L3MBTL4: variants seen among roughly 807,000 people sequenced by gnomAD.
L3MBTL4 encodes the protein lethal(3)malignant brain tumor-like protein 4.
In L3MBTL4, 70 loss-of-function variants were observed where a neutral mutation model predicts 84.5. The observed-to-expected ratio is 0.83, with a 90% CI of 0.68 to 1.01. The LOEUF (loss-of-function observed/expected upper bound fraction) is 1.01. Among genes scored for constraint, L3MBTL4 ranks in the 50% least tolerant of loss-of-function variants. The probability of loss-of-function intolerance (pLI) is 0.00; values close to 1 mark genes in which losing one functional copy is unlikely to be tolerated. For missense variants in L3MBTL4, 715 were observed against 754.8 expected (o/e 0.95, Z 0.62); for synonymous variants, 274 against 259.8 (o/e 1.05, Z -0.52).
At chr18:6,136,825 G>A (rs191196715) in intron 14 of L3MBTL4, among the ~76,000 whole-genome samples, 3 of 152,028 alleles carry the variant, frequency 2.0e-5, no homozygotes, top group African/African-American at 7.2e-5. Context: ...TGTGTGTTTT[G>A]TCCATTTCTT....
chr18:6,109,260 T>G (rs781311245), intron 14 of L3MBTL4, among the ~76,000 whole-genome samples: 1 of 152,216 alleles, frequency 6.6e-6, no homozygotes, highest in African/African-American at 2.4e-5. Context: ...AGATCAAGAC[T>G]GGACCACTTT....
chr18:6,236,242 G>T (rs1027141265), intron 10 of L3MBTL4, among the ~76,000 whole-genome samples: 7 of 152,128 alleles, frequency 4.6e-5, no homozygotes, highest in Non-Finnish European at 8.8e-5. Flanking sequence ...TTGGACATAC[G>T]AACCAATGAA....
chr18:6,138,196 G>T lies in L3MBTL4; in HGVS notation c.1197C>A (p.His399Gln). ...HIRGPRYSGHHSAFGCPYSDM... is the reference protein window; with the variant it reads ...HIRGPRYSGHQSAFGCPYSDM... ...AACTTAAATAAGAAAAATGTTACCT[G>T]TGATGTCCCGAATAACGTGGACCAC... Residue 399 changes from histidine to glutamine, a missense_variant and splice_region_variant, in exon 14 of 19, where the codon CAC (histidine) becomes CAA (glutamine). Transcript: ENST00000317931. 1.9e-6 allele frequency: 3 copies of T among 1,603,320 alleles called. No individual in the cohort carries two copies. Among genetic ancestry groups the T allele is most frequent in the Non-Finnish European group, 1.7e-6 (2 of 1,171,454 alleles).
chr18:6,178,028 GTCTT>G (rs1307352944), intron 12 of L3MBTL4, among the ~76,000 whole-genome samples: 2 of 152,016 alleles, frequency 1.3e-5, no homozygotes, highest in Non-Finnish European at 2.9e-5. Context: ...GAGGAGTTAG[GTCTT>G]TCTATTTTAA....
chr18:6,140,035 G>T (rs2060148264), intron 13 of L3MBTL4, among the ~76,000 whole-genome samples: 1 of 152,098 alleles, frequency 6.6e-6, no homozygotes, highest in African/African-American at 2.4e-5. Flanking sequence ...CGAGCTAGTG[G>T]CCCCCAACCC....
At chr18:5,999,437 T>C (rs534057008) in intron 16 of L3MBTL4, among the ~76,000 whole-genome samples, 3 of 152,336 alleles carry the variant, frequency 2.0e-5, no homozygotes, top group South Asian at 2.1e-4. Context: ...AAGGGCTCAC[T>C]CTTTCTTCTG....
chr18:6,327,121 A>G (rs1260990928), intron 1 of L3MBTL4, among the ~76,000 whole-genome samples: 1 of 152,220 alleles, frequency 6.6e-6, no homozygotes, highest in Non-Finnish European at 1.5e-5. Flanking sequence ...AAGGCTCACC[A>G]AGTGTTGAAG....
intron 16 of L3MBTL4, among the ~76,000 whole-genome samples, chr18:6,033,552 A>G (rs1568010101): frequency 6.6e-6 from 1 of 152,214 alleles, no homozygotes; most frequent in Non-Finnish European, 1.5e-5. Flanking sequence ...ATTATATTAC[A>G]TGTAATTACG....
In L3MBTL4 at chr18:6,362,282, A is replaced by G. The variant is rs187859436; in HGVS notation, c.-90-50226T>C. 3.9e-3 allele frequency among the ~76,000 whole-genome samples: 589 copies of G among 151,644 alleles called. 2 individuals carry two copies. Among genetic ancestry groups the G allele is most frequent in the Non-Finnish European group, 6.7e-3 (453 of 67,686 alleles). The stretch of plus-strand genomic sequence containing the variant: ...GAAAGGAAAGGAAAAGAAGAAAAAG[A>G]AAGAAGAGAAAGAAAGAGGAAGAGG... On this transcript the variant is annotated intron_variant, in intron 1 of 18. Coordinates refer to ENST00000317931, the MANE Select transcript of L3MBTL4 (RefSeq NM_001330559.2).
intron 14 of L3MBTL4, among the ~76,000 whole-genome samples, chr18:6,109,557 T>C (rs920061175): frequency 2.6e-5 from 4 of 152,142 alleles, no homozygotes. Context: ...GATTCATTAA[T>C]ACCATTCCAG....
At chr18:6,304,232 C>T (rs2050480877) in intron 3 of L3MBTL4, among the ~76,000 whole-genome samples, 1 of 151,960 alleles carries the variant, frequency 6.6e-6, no homozygotes, top group Non-Finnish European at 1.5e-5. Context: ...TGTATAGTAA[C>T]AAAATGTATC....
In L3MBTL4 at chr18:6,239,825, G is replaced by C. The variant is rs371225238; in HGVS notation, c.600C>G (p.Ala200=). ...CCAAGGAAGGGTTCTTCCTGTCCACGGCCTCCAGCTTCATTCCAACCTGAA... is the reference window on the plus strand; with the variant it reads ...CCAAGGAAGGGTTCTTCCTGTCCACCGCCTCCAGCTTCATTCCAACCTGAA... ...KEFQVGMKLE[A]VDRKNPSLVC... The change falls in exon 9 of 19, where the codon GCC becomes GCG. Residue 200 remains alanine (A), a synonymous_variant. Transcript: ENST00000317931. 6.2e-7 allele frequency: 1 copy of C among 1,614,102 alleles called. No homozygotes were observed. Among genetic ancestry groups the C allele is most frequent in the South Asian group, 1.1e-5 (1 of 91,074 alleles).
chr18:6,030,542 A>G, intron 16 of L3MBTL4: 1 of 883,558 alleles, frequency 1.1e-6, no homozygotes, highest in South Asian at 5.2e-5. Context: ...TCTGTCGCCC[A>G]GGCTGGTGAT....
chr18:5,960,093 C>T lies in L3MBTL4; in HGVS notation c.1677+1G>A, dbSNP rs776316310. On this transcript the variant is annotated splice_donor_variant, in intron 18 of 18. Coordinates refer to ENST00000317931, the MANE Select transcript of L3MBTL4 (RefSeq NM_001330559.2). LOFTEE classifies it high-confidence loss of function. ...ATATATATAATTTTTGCATCTCTTA[C>T]CTCTTTCTTAAAGCACTTGGCATGC... The T allele has an allele frequency of 6.4e-6, 9 of 1,408,276 alleles. No homozygotes were observed. In the South Asian group the frequency reaches 1.0e-4, roughly 16 times the overall value. The allele number at this position is 1,408,276 out of a possible 1,614,324, so 87.2% of individuals were successfully genotyped here.
intron 1 of L3MBTL4, among the ~76,000 whole-genome samples, chr18:6,360,269 A>G (rs973684985): frequency 6.6e-6 from 1 of 152,104 alleles, no homozygotes; most frequent in African/African-American, 2.4e-5. Flanking sequence ...TACTCAGGAG[A>G]CTGACACGGG....
chr18:6,366,993 C>G (rs750602526), intron 1 of L3MBTL4, among the ~76,000 whole-genome samples: 2 of 152,200 alleles, frequency 1.3e-5, no homozygotes, highest in Non-Finnish European at 1.5e-5. Flanking sequence ...CGAACCCAAG[C>G]AGGGCACAAA....
rs201448797 is a variant in L3MBTL4 at position 6,134,149 on chromosome 18, G to A, written c.1199+4045C>T. Among the ~76,000 whole-genome samples, 3 of 152,206 alleles carry A rather than the reference G, an allele frequency of 2.0e-5. No individual in the cohort carries two copies. The East Asian group carries it at 5.8e-4, about 29-fold the overall frequency. On this transcript the variant is annotated intron_variant, in intron 14 of 18. Transcript: ENST00000317931. ...AGAAAGTGAGGGAGAAACCAAAGCA[G>A]AAACCCCTGATAAACCCATCAGATA...
At chr18:5,972,908 A>G (rs1465807509) in intron 16 of L3MBTL4, among the ~76,000 whole-genome samples, 1 of 17,766 alleles carries the variant, frequency 5.6e-5, no homozygotes, top group Admixed American at 4.4e-4. Flanking sequence ...AGAATAGAAT[A>G]GAATAGAATA....
At chr18:6,243,805 C>T (rs994925130) in intron 6 of L3MBTL4, among the ~76,000 whole-genome samples, 35 of 152,274 alleles carry the variant, frequency 2.3e-4, no homozygotes, top group African/African-American at 8.4e-4. Flanking sequence ...ACAGTGTAAG[C>T]TAAAGTACAA....
Sources: allele counts gnomAD v4.1 joint callset (sites outside exome capture counted in the v4.1 genomes callset), GRCh38; gene constraint gnomAD v4.1.1; transcripts MANE v1.5; gene names NCBI Gene and HGNC (gene_info 2026-07-23, HGNC 2026-07-21).